PPP2R5C: variants seen among roughly 807,000 people sequenced by gnomAD.
The protein encoded by PPP2R5C is serine/threonine-protein phosphatase 2A 56 kDa regulatory subunit gamma isoform.
Under a neutral mutation model 68.9 loss-of-function variants are expected in PPP2R5C, and 7 were observed. The observed-to-expected ratio is 0.10, with a 90% CI of 0.06 to 0.19. The LOEUF (loss-of-function observed/expected upper bound fraction) is 0.19. PPP2R5C is among the 10% of genes least tolerant of loss of function. PPP2R5C has a pLI of 1.00. For synonymous variants in PPP2R5C, 210 were observed against 222.2 expected (o/e 0.95, Z 0.49); for missense variants, 348 against 641.3 (o/e 0.54, Z 4.94).
chr14:101,823,255 T>C (rs1228357575), intron 1 of PPP2R5C, among the ~76,000 whole-genome samples: 6 of 152,172 alleles, frequency 3.9e-5, no homozygotes, highest in Non-Finnish European at 7.3e-5. Context: ...ACGCTGCCGA[T>C]GTAAATATTT....
At position 101,917,672 on chromosome 14, in the gene PPP2R5C, G is replaced by C. The variant is rs538970269; in HGVS notation, c.1327-159G>C. ...TTTCTGGTTTCAGAAGTCAGCAGCC[G>C]CATCATGTTGCAGGTGTAGGCGAGT... On this transcript the variant is annotated intron_variant, in intron 12 of 13. Coordinates refer to ENST00000334743, the Ensembl canonical transcript of PPP2R5C. The surrounding 1 kb of genome is among the most constrained non-coding windows in gnomAD (Gnocchi z 4.4). The C allele has an allele frequency of 2.3e-6, 2 of 875,330 alleles. No homozygotes were observed. Among genetic ancestry groups the C allele is most frequent in the Non-Finnish European group, 3.5e-6 (2 of 578,776 alleles). 54.2% of individuals were successfully genotyped at this position (875,330 alleles called of 1,614,324 possible).
chr14:101,789,910 C>G (rs1301800787), intron 3 of PPP2R5C: 1 of 151,634 alleles, frequency 6.6e-6, no homozygotes, highest in Non-Finnish European at 1.5e-5. Context: ...CACAGTGCGT[C>G]CATTTAGAAA....
At chr14:101,872,219 CT>C (rs386382344) in intron 2 of PPP2R5C, among the ~76,000 whole-genome samples, 1,105 of 91,150 alleles carry the variant, frequency 0.012, 4 homozygotes, top group African/African-American at 0.045. Flanking sequence ...TTTCTTTTGC[CT>C]TTTTTTTTTT....
chr14:101,836,356 C>T (rs895646392), intron 1 of PPP2R5C: 24 of 702,316 alleles, frequency 3.4e-5, no homozygotes, highest in Middle Eastern at 2.3e-4. Flanking sequence ...TGCCAGCCTT[C>T]TCCCCTGCCC....
At chr14:101,820,084 G>A (rs2039960819) in intron 1 of PPP2R5C, 1 of 152,162 alleles carries the variant, frequency 6.6e-6, no homozygotes, top group Non-Finnish European at 1.5e-5. Context: ...GAATAGTAAT[G>A]TAAAATCATT....
chr14:101,811,581 G>T (rs566501183), intron 1 of PPP2R5C, among the ~76,000 whole-genome samples: 2 of 152,016 alleles, frequency 1.3e-5, no homozygotes, highest in African/African-American at 4.8e-5. Context: ...GGGCTCAAGC[G>T]ATCCTCCCAC....
chr14:101,777,252 C>T (rs1177133015), intron 2 of PPP2R5C, among the ~76,000 whole-genome samples: 1 of 152,088 alleles, frequency 6.6e-6, no homozygotes, highest in Non-Finnish European at 1.5e-5. Context: ...GTGAATAATG[C>T]GCTGTGAACA....
At chr14:101,827,018 C>T (rs1409412756) in intron 1 of PPP2R5C, among the ~76,000 whole-genome samples, 1 of 145,524 alleles carries the variant, frequency 6.9e-6, no homozygotes, top group African/African-American at 2.6e-5. Context: ...CTCTGTCGCC[C>T]AGGCTGGAGT....
chr14:101,910,568 C>T (rs1157604614), intron 11 of PPP2R5C, among the ~76,000 whole-genome samples: 1 of 152,164 alleles, frequency 6.6e-6, no homozygotes, highest in East Asian at 1.9e-4. Context: ...TGCGGTGGCT[C>T]ACGCCTGTAA....
At position 101,891,895 on chromosome 14, in the gene PPP2R5C, T is replaced by A. The variant is rs141424806; in HGVS notation, c.690-1105T>A. ...GTTGTTTGAGACAAAAACTTTGCTT[T>A]GGAGGCTCTAGGTAGGACCTCTTTT... is the stretch of plus-strand genomic sequence containing the variant. On this transcript the variant is annotated intron_variant, in intron 6 of 13. Coordinates refer to ENST00000334743, the Ensembl canonical transcript of PPP2R5C. The surrounding 1 kb of genome is among the most constrained non-coding windows in gnomAD (Gnocchi z 4.9). 2.6e-3 allele frequency among the ~76,000 whole-genome samples: 393 copies of A among 152,358 alleles called. 2 individuals are homozygous for A. Among genetic ancestry groups the A allele is most frequent in the Non-Finnish European group, 3.3e-3 (226 of 68,030 alleles).
chr14:101,778,620 T>A (rs1235272907), intron 2 of PPP2R5C, among the ~76,000 whole-genome samples: 2 of 152,206 alleles, frequency 1.3e-5, no homozygotes, highest in Non-Finnish European at 1.5e-5. Context: ...CTTGTCCATA[T>A]GGCTCTCCAG....
chr14:101,798,034 G>GTC (rs2038697535), intron 3 of PPP2R5C, among the ~76,000 whole-genome samples: 1 of 152,076 alleles, frequency 6.6e-6, no homozygotes, highest in Admixed American at 6.6e-5. Context: ...TGAATGTTAG[G>GTC]TATCTTTGAT....
intron 2 of PPP2R5C, among the ~76,000 whole-genome samples, chr14:101,864,768 G>T (rs758180279): frequency 1.3e-5 from 2 of 152,154 alleles, no homozygotes; most frequent in African/African-American, 2.4e-5. Flanking sequence ...TGGAGCTCCC[G>T]ATTGGGTGGG....
chr14:101,787,599 T>TA (rs1409955038), intron 3 of PPP2R5C, among the ~76,000 whole-genome samples: 3 of 151,654 alleles, frequency 2.0e-5, no homozygotes, highest in Admixed American at 1.3e-4. Flanking sequence ...CCGTCTCTAC[T>TA]AAAAATACAA....
intron 12 of PPP2R5C, chr14:101,914,130 A>G (rs1438068770): frequency 8.8e-6 from 4 of 452,624 alleles, no homozygotes; most frequent in African/African-American, 2.0e-5. Context: ...AACTTTCTGT[A>G]TTCTTTTTGG....
intron 1 of PPP2R5C, among the ~76,000 whole-genome samples, chr14:101,853,669 T>G (rs2042274395): frequency 6.6e-6 from 1 of 152,172 alleles, no homozygotes; most frequent in Non-Finnish European, 1.5e-5. Flanking sequence ...AAGGGTACAT[T>G]TGGCCCTCGT....
intron 5 of PPP2R5C, among the ~76,000 whole-genome samples, chr14:101,886,823 G>T (rs1410940491): frequency 6.6e-6 from 1 of 152,060 alleles, no homozygotes. Flanking sequence ...TCAAACCCCT[G>T]GGCTTAAGGG....
chr14:101,765,135 C>G, intron 2 of PPP2R5C: 1 of 702,662 alleles, frequency 1.4e-6, no homozygotes, highest in East Asian at 2.7e-5. Flanking sequence ...CCCCACTTGT[C>G]TTTTTGTATT....
At chr14:101,883,341 G>T in exon 4 of PPP2R5C, 1 of 1,603,546 alleles carries the variant, frequency 6.2e-7, no homozygotes, top group Non-Finnish European at 8.5e-7. Context: ...TCAGAAGTTT[G>T]TATTGCAGGT....
Sources: allele counts gnomAD v4.1 joint callset (sites outside exome capture counted in the v4.1 genomes callset), GRCh38; gene constraint gnomAD v4.1.1; non-coding constraint Gnocchi (gnomAD v3.1); transcripts MANE v1.5; gene names NCBI Gene and HGNC (gene_info 2026-07-23, HGNC 2026-07-21).